The following CCSER1 variants were observed in gnomAD, a reference collection of about 807,000 sequenced individuals.
CCSER1 encodes serine-rich coiled-coil domain-containing protein 1.
A neutral mutation model predicts 82.0 loss-of-function variants in CCSER1; 41 were observed. That is an observed-to-expected ratio of 0.50 (90% CI 0.39 to 0.65). CCSER1 has a LOEUF of 0.65. CCSER1 is among the 30% of genes least tolerant of loss of function. The pLI is 0.00. For missense variants in CCSER1, 1,119 were observed against 1,064.2 expected (o/e 1.05, Z -0.72); for synonymous variants, 414 against 383.9 (o/e 1.08, Z -0.92).
chr4:91,554,899 A>G (rs537867460), intron 10 of CCSER1, among the ~76,000 whole-genome samples: 2 of 151,468 alleles, frequency 1.3e-5, no homozygotes, highest in South Asian at 4.2e-4. Flanking sequence ...GTATTATTTG[A>G]TATTTGACAA....
intron 9 of CCSER1, among the ~76,000 whole-genome samples, chr4:90,980,455 A>C (rs568584312): frequency 6.6e-6 from 1 of 151,786 alleles, no homozygotes. Flanking sequence ...GTTAGAGAAG[A>C]AAGTTTTGAA....
intron 10 of CCSER1, among the ~76,000 whole-genome samples, chr4:91,407,221 C>T (rs1292215791): frequency 6.6e-6 from 1 of 152,078 alleles, no homozygotes; most frequent in Non-Finnish European, 1.5e-5. Context: ...TTACTTTGAA[C>T]AACTCGAGAT....
At chr4:90,546,107 TG>T (rs1025248982) in intron 5 of CCSER1, among the ~76,000 whole-genome samples, 1 of 144,896 alleles carries the variant, frequency 6.9e-6, no homozygotes, top group African/African-American at 2.7e-5. Context: ...CCAGAAGCAT[TG>T]GCTGAAATAG....
chr4:90,170,024 A>G (rs1358522112), intron 1 of CCSER1, among the ~76,000 whole-genome samples: 3 of 150,948 alleles, frequency 2.0e-5, no homozygotes, highest in Admixed American at 6.6e-5. Context: ...TCTAGCCTCC[A>G]CTCTGGTTCA....
intron 10 of CCSER1, among the ~76,000 whole-genome samples, chr4:91,091,834 G>A (rs751892210): frequency 1.9e-4 from 29 of 152,094 alleles, no homozygotes; most frequent in Admixed American, 2.6e-4. Context: ...ATCCACACAC[G>A]GTCACCTGGA....
intron 10 of CCSER1, among the ~76,000 whole-genome samples, chr4:91,502,873 C>T (rs1759284681): frequency 6.6e-6 from 1 of 152,096 alleles, no homozygotes; most frequent in Admixed American, 6.5e-5. Context: ...GTAGTCTTAA[C>T]ATATATTCAA....
At chr4:90,297,233 G>A (rs536700512) in intron 1 of CCSER1, among the ~76,000 whole-genome samples, 155 of 145,646 alleles carry the variant, frequency 1.1e-3, no homozygotes, top group African/African-American at 3.5e-3. Context: ...GGATTCCTAG[G>A]TATTTTATTC....
At chr4:90,541,910 A>G (rs768050471) in intron 5 of CCSER1, among the ~76,000 whole-genome samples, 33 of 152,030 alleles carry the variant, frequency 2.2e-4, no homozygotes, top group Non-Finnish European at 3.8e-4. Context: ...ATCTAATGAA[A>G]CTTGTCACTT....
intron 6 of CCSER1, among the ~76,000 whole-genome samples, chr4:90,670,046 G>T (rs1732513058): frequency 6.6e-6 from 1 of 152,034 alleles, no homozygotes; most frequent in Non-Finnish European, 1.5e-5. Context: ...CCACAATTAT[G>T]ATCTCTAGCT....
chr4:90,521,411 G>A (rs1773114686), intron 5 of CCSER1, among the ~76,000 whole-genome samples: 2 of 152,072 alleles, frequency 1.3e-5, no homozygotes, highest in Admixed American at 6.6e-5. Flanking sequence ...ATACAAAAGG[G>A]AATTTGGCAC....
At chr4:90,736,480 A>AT (rs1745665878) in intron 7 of CCSER1, among the ~76,000 whole-genome samples, 1 of 151,914 alleles carries the variant, frequency 6.6e-6, no homozygotes, top group African/African-American at 2.4e-5. Context: ...GTCTTTCTAT[A>AT]TTTTTTGTCT....
chr4:90,807,149 T>A (rs1283743380), intron 7 of CCSER1, among the ~76,000 whole-genome samples: 1 of 152,108 alleles, frequency 6.6e-6, no homozygotes, highest in Non-Finnish European at 1.5e-5. Flanking sequence ...ACCTGGCTAG[T>A]TACTTGTAGC....
At chr4:90,840,133 T>C (rs1472603230) in intron 8 of CCSER1, among the ~76,000 whole-genome samples, 3 of 152,164 alleles carry the variant, frequency 2.0e-5, no homozygotes, top group Non-Finnish European at 4.4e-5. Flanking sequence ...TTACATCTGC[T>C]ATTAAAATGA....
At position 90,344,382 on chromosome 4, in the gene CCSER1, CTTA is replaced by C. The variant is rs1215818192; in HGVS notation, c.1509+31340_1509+31342del. The stretch of plus-strand genomic sequence containing the variant: ...TAAAGTGCTGTGTTCTGCACGTGTT[CTTA>C]TTATACTTCTTATCACACTTACTTG... On this transcript the variant is annotated intron_variant, in intron 3 of 10. Transcript: ENST00000509176. Among the ~76,000 whole-genome samples, 3 of 152,180 alleles carry C rather than the reference CTTA, an allele frequency of 2.0e-5. No individual in the cohort carries two copies. In the East Asian group the frequency reaches 5.8e-4, roughly 29 times the overall value.
intron 4 of CCSER1, among the ~76,000 whole-genome samples, chr4:90,444,371 A>C (rs539447659): frequency 6.6e-6 from 1 of 152,186 alleles, no homozygotes; most frequent in African/African-American, 2.4e-5. Flanking sequence ...ACACGTTTGA[A>C]GCATTGACCC....
intron 10 of CCSER1, among the ~76,000 whole-genome samples, chr4:91,353,097 C>G (rs1345097054): frequency 6.6e-6 from 1 of 152,138 alleles, no homozygotes. Flanking sequence ...ACAGCAAATG[C>G]AAAGGACAAT....
At chr4:91,072,271 C>T (rs963461773) in intron 9 of CCSER1, among the ~76,000 whole-genome samples, 1 of 152,054 alleles carries the variant, frequency 6.6e-6, no homozygotes, top group African/African-American at 2.4e-5. Flanking sequence ...TTATTTGTGC[C>T]CATACAGTAA....
intron 10 of CCSER1, among the ~76,000 whole-genome samples, chr4:91,207,081 C>G: frequency 6.6e-6 from 1 of 151,618 alleles, no homozygotes; most frequent in East Asian, 1.9e-4. Flanking sequence ...AAGGAAACAA[C>G]GTTATGTAAA....
intron 1 of CCSER1, among the ~76,000 whole-genome samples, chr4:90,253,812 CT>C (rs1369364072): frequency 6.6e-6 from 1 of 152,044 alleles, no homozygotes; most frequent in African/African-American, 2.4e-5. Flanking sequence ...TAGTTAGTCT[CT>C]TTTTGATTGT....
Sources: allele counts gnomAD v4.1 joint callset (sites outside exome capture counted in the v4.1 genomes callset), GRCh38; gene constraint gnomAD v4.1.1; transcripts MANE v1.5; gene names NCBI Gene and HGNC (gene_info 2026-07-23, HGNC 2026-07-21).